Variants in NIPBL observed in about 807,000 individuals in gnomAD.
NIPBL encodes nipped-B-like protein.
NIPBL carries 19 observed loss-of-function variants against 321.8 expected under a neutral mutation model. The observed-to-expected ratio is 0.06, with a 90% CI of 0.04 to 0.09. The LOEUF is 0.09. Ranked by LOEUF, NIPBL falls within the 10% of genes least tolerant of loss-of-function variation. The pLI is 1.00. For missense variants in NIPBL, 2,210 were observed against 3,327.0 expected (o/e 0.66, Z 8.26); for synonymous variants, 1,106 against 1,114.1 (o/e 0.99, Z 0.14).
At chr5:37,014,490 TTTTA>T (rs1425735483) in intron 21 of NIPBL, among the ~76,000 whole-genome samples, 189 bp from the exon 22 acceptor site, 2 of 152,136 alleles carry the variant, frequency 1.3e-5, no homozygotes, top group African/African-American at 2.4e-5. Context: ...CTATCTGTAT[TTTTA>T]TTTGTTTCTA....
At chr5:36,961,846 G>A (rs867055796) in intron 5 of NIPBL, among the ~76,000 whole-genome samples, 3 of 152,140 alleles carry the variant, frequency 2.0e-5, no homozygotes, top group South Asian at 4.1e-4. Context: ...GAGATAAGAA[G>A]ATTTACGGAG....
rs1262000061 is a variant in NIPBL at position 36,876,841 on chromosome 5, C to G, written c.-417C>G. 34 of 387,290 alleles carry G rather than the reference C, an allele frequency of 8.8e-5. No homozygotes were observed. Among genetic ancestry groups the G allele is most frequent in the Admixed American group, 2.3e-4 (5 of 22,180 alleles). 24.0% of individuals were successfully genotyped at this position (387,290 alleles called of 1,614,324 possible). A position where few individuals can be genotyped will look rare whatever the true frequency, so the allele number is the denominator to read the frequency against. ...GGCTCCTTCCCCCCGCCCTCCCCCC[C>G]CTCCCTCCGTCGGTACCGACTCACC... On this transcript the variant is annotated 5_prime_UTR_variant, in exon 1 of 47. Coordinates refer to ENST00000282516, the MANE Select transcript of NIPBL (RefSeq NM_133433.4).
At chr5:37,054,038 A>G (rs926930597) in intron 42 of NIPBL, among the ~76,000 whole-genome samples, 1 of 152,072 alleles carries the variant, frequency 6.6e-6, no homozygotes, top group East Asian at 1.9e-4. Flanking sequence ...TCTACTAAAA[A>G]TATAAAAATT....
chr5:37,054,679 C>G (rs1753914235), intron 42 of NIPBL, among the ~76,000 whole-genome samples: 1 of 152,160 alleles, frequency 6.6e-6, no homozygotes, highest in African/African-American at 2.4e-5. Flanking sequence ...ATGCTTTCTT[C>G]TGACTACCTC....
intron 1 of NIPBL, among the ~76,000 whole-genome samples, chr5:36,884,088 G>A (rs1400462475): frequency 6.6e-6 from 1 of 152,010 alleles, no homozygotes; most frequent in Non-Finnish European, 1.5e-5. Context: ...AAGTTATCCT[G>A]AAAGACACAC....
At chr5:37,032,978 A>G (rs1409378382) in intron 32 of NIPBL, among the ~76,000 whole-genome samples, 1 of 152,234 alleles carries the variant, frequency 6.6e-6, no homozygotes, top group South Asian at 2.1e-4. Flanking sequence ...CTTTAAAAAA[A>G]TTTTATGCAC....
At chr5:37,033,774 C>A (rs1454437799) in intron 32 of NIPBL, among the ~76,000 whole-genome samples, 2 of 122,556 alleles carry the variant, frequency 1.6e-5, no homozygotes, top group African/African-American at 6.5e-5. Context: ...TGCTGTGTTG[C>A]CCAGGCTGGA....
In NIPBL at chr5:36,889,960, A is replaced by G. The variant is rs551690599; in HGVS notation, c.-80+12782A>G. On this transcript the variant is annotated intron_variant, in intron 1 of 46. Coordinates refer to ENST00000282516, the MANE Select transcript of NIPBL (RefSeq NM_133433.4). ...GTTTGGGAAATGGGAAAAATATCAA[A>G]TTTTATGTTTTTCCTACTAAGTTTC... 4.6e-5 allele frequency among the ~76,000 whole-genome samples: 7 copies of G among 152,128 alleles called. 1 individual carries two copies. The East Asian group carries it at 1.3e-3, about 29-fold the overall frequency.
chr5:37,011,585 A>G (rs1026608132), intron 21 of NIPBL, among the ~76,000 whole-genome samples: 1 of 152,086 alleles, frequency 6.6e-6, no homozygotes, highest in Non-Finnish European at 1.5e-5. Flanking sequence ...AGAAAGTCAA[A>G]TACTCTCTGA....
Position 36,962,255 on chromosome 5 carries a change from ACAT to A in NIPBL, c.593_595del (p.His198del). The A allele has an allele frequency of 6.2e-7, 1 of 1,614,120 alleles. No individual in the cohort carries two copies. The highest frequency in any genetic ancestry group is 1.1e-5 in the South Asian group (1 of 91,084). On this transcript the variant is annotated inframe_deletion, in exon 6 of 47. Transcript: ENST00000282516. ...ATTCCCATCCTTCAAGTTACACAAC[ACAT>A]CCACAGATGCAACAAGGTAAGAAAG...
At chr5:36,958,358 A>G in intron 4 of NIPBL, 127 bp downstream of exon 4, 5 of 831,140 alleles carry the variant, frequency 6.0e-6, no homozygotes, top group Non-Finnish European at 8.0e-6. Context: ...GCCAAGAACA[A>G]GAAGGAAACT....
intron 1 of NIPBL, among the ~76,000 whole-genome samples, chr5:36,924,552 A>G (rs1039185662): frequency 6.6e-6 from 1 of 152,140 alleles, no homozygotes; most frequent in Admixed American, 6.5e-5. Flanking sequence ...GGAACACTGT[A>G]TTGTCTTGTG....
rs144979877 is a variant in NIPBL, at chr5:37,022,056, A to G, written c.5334A>G (p.Leu1778=). ...TGTCAATGTTTGCTTGGCAGATCCTACGAGTTCTTGGTGAAAATGCAATTG... is the reference window on the plus strand; with the variant it reads ...TGTCAATGTTTGCTTGGCAGATCCTGCGAGTTCTTGGTGAAAATGCAATTG... ...QSFDIYLTQI[L]RVLGENAIAV... Residue 1778 remains leucine (L), a synonymous_variant, in exon 28 of 47, where the codon CTA becomes CTG. Transcript: ENST00000282516. 1.9e-6 allele frequency: 3 copies of G among 1,613,924 alleles called. No individual in the cohort carries two copies. Among genetic ancestry groups the G allele is most frequent in the Non-Finnish European group, 2.5e-6 (3 of 1,179,812 alleles).
intron 1 of NIPBL, among the ~76,000 whole-genome samples, chr5:36,950,339 C>T (rs1002913667): frequency 6.6e-6 from 1 of 152,016 alleles, no homozygotes; most frequent in Non-Finnish European, 1.5e-5. Context: ...CTTTCTGGAT[C>T]ACTTACTATG....
Position 37,066,195 on chromosome 5 carries a change from G to C in NIPBL, c.*1303G>C, listed in dbSNP as rs1428951513. ...ATTTGATATGTATAGTTGACACTCA[G>C]GAATAGTAATGCCTAAAATTTACAG... On this transcript the variant is annotated 3_prime_UTR_variant, in exon 47 of 47. Transcript: ENST00000282516. 6.6e-5 allele frequency: 10 copies of C among 152,112 alleles called. No homozygotes were observed. The highest frequency in any genetic ancestry group is 1.5e-5 in the Non-Finnish European group (1 of 67,996). 9.4% of individuals were successfully genotyped at this position (152,112 alleles called of 1,614,324 possible). A position where few individuals can be genotyped will look rare whatever the true frequency, so the allele number is the denominator to read the frequency against.
chr5:36,980,250 T>C (rs1743983414), intron 9 of NIPBL, among the ~76,000 whole-genome samples: 1 of 151,800 alleles, frequency 6.6e-6, no homozygotes, highest in Non-Finnish European at 1.5e-5. Flanking sequence ...TAATCTGTGA[T>C]GGCATAGTTA....
chr5:36,972,103 A>C (rs1742914281), intron 8 of NIPBL, 62 bp downstream of exon 8: 1 of 1,084,472 alleles, frequency 9.2e-7, no homozygotes, highest in African/African-American at 1.6e-5. Flanking sequence ...TAAAGAACTC[A>C]GACTTCCTAA....
chr5:37,053,574 T>C (rs905701192), intron 42 of NIPBL, among the ~76,000 whole-genome samples: 2 of 152,204 alleles, frequency 1.3e-5, no homozygotes, highest in Admixed American at 6.5e-5. Context: ...AAATACCCTG[T>C]TGTAGTTTAC....
At chr5:36,965,414 G>A (rs1742095019) in intron 6 of NIPBL, among the ~76,000 whole-genome samples, 1 of 152,044 alleles carries the variant, frequency 6.6e-6, no homozygotes, top group South Asian at 2.1e-4. Context: ...AGTGAAATAA[G>A]CAAAACACAG....
Sources: gnomAD v4.1 joint callset for allele counts (sites outside exome capture counted in the v4.1 genomes callset) on GRCh38, gnomAD v4.1.1 for gene constraint, MANE v1.5 for transcripts, NCBI Gene and HGNC (gene_info 2026-07-23, HGNC 2026-07-21) for gene names.